The following TEX36 variants were observed in gnomAD, a reference collection of about 807,000 sequenced individuals.
The protein encoded by TEX36 is testis expressed 36.
A neutral mutation model predicts 13.6 loss-of-function variants in TEX36; 12 were observed. The observed-to-expected ratio is 0.88, with a 90% CI of 0.56 to 1.43. TEX36 has a LOEUF of 1.43. Ranked by LOEUF, TEX36 falls within the 40% of genes most tolerant of loss-of-function variation. The probability of loss-of-function intolerance (pLI) is 0.00; values close to 1 mark genes in which losing one functional copy is unlikely to be tolerated. For missense variants in TEX36, 224 were observed against 228.3 expected (o/e 0.98, Z 0.12); for synonymous variants, 93 against 83.0 (o/e 1.12, Z -0.65).
chr10:125,594,890 G>A (rs1846062733), intron 3 of TEX36, among the ~76,000 whole-genome samples: 1 of 152,130 alleles, frequency 6.6e-6, no homozygotes, highest in Admixed American at 6.5e-5. Context: ...AGAATCCACA[G>A]AACCAACATT....
chr10:125,634,408 G>A (rs1017076101), intron 3 of TEX36, among the ~76,000 whole-genome samples: 6 of 152,268 alleles, frequency 3.9e-5, no homozygotes, highest in South Asian at 2.1e-4. Context: ...GGGGTTTTTA[G>A]TCTTGATCCG....
At chr10:125,657,752 C>T (rs1178474086) in intron 3 of TEX36, among the ~76,000 whole-genome samples, 1 of 152,066 alleles carries the variant, frequency 6.6e-6, no homozygotes, top group Admixed American at 6.5e-5. Context: ...AGGAATGGCA[C>T]CTACAGGGCT....
At chr10:125,641,484 G>A (rs535902522) in intron 3 of TEX36, among the ~76,000 whole-genome samples, 16 of 152,308 alleles carry the variant, frequency 1.1e-4, no homozygotes, top group Admixed American at 3.9e-4. Context: ...TGCACAAAAA[G>A]TGACTGAAGA....
intron 3 of TEX36, among the ~76,000 whole-genome samples, chr10:125,607,474 C>A (rs1162479670): frequency 6.6e-6 from 1 of 152,222 alleles, no homozygotes; most frequent in Non-Finnish European, 1.5e-5. Flanking sequence ...CGGTGATTCT[C>A]AGAACATCTC....
chr10:125,621,725 C>T, intron 3 of TEX36: 1 of 449,870 alleles, frequency 2.2e-6, no homozygotes, highest in Non-Finnish European at 4.5e-6. Context: ...TGTAGCCTTC[C>T]ATCTGTGGCC....
intron 3 of TEX36, among the ~76,000 whole-genome samples, chr10:125,608,348 G>A (rs866383339): frequency 5.9e-5 from 9 of 152,074 alleles, no homozygotes; most frequent in Non-Finnish European, 1.0e-4. Flanking sequence ...AAAGGGATGC[G>A]TTTTACTAAA....
chr10:125,613,929 C>G (rs911246144), intron 3 of TEX36, among the ~76,000 whole-genome samples: 1 of 152,208 alleles, frequency 6.6e-6, no homozygotes, highest in Non-Finnish European at 1.5e-5. Context: ...TCTCCACATC[C>G]TCTCCAACAC....
chr10:125,612,459 T>C (rs1298720215), intron 3 of TEX36, among the ~76,000 whole-genome samples: 1 of 152,214 alleles, frequency 6.6e-6, no homozygotes, highest in Non-Finnish European at 1.5e-5. Flanking sequence ...TGTTTCTTTC[T>C]ATCAGCCCCC....
At chr10:125,614,064 C>A (rs1166910013) in intron 3 of TEX36, among the ~76,000 whole-genome samples, 2 of 152,218 alleles carry the variant, frequency 1.3e-5, no homozygotes, top group African/African-American at 4.8e-5. Context: ...TGTCTTTTGG[C>A]TGCATAAATG....
At position 125,580,078 on chromosome 10, in the gene TEX36, G is replaced by T. The variant is rs548825818; in HGVS notation, c.265-3204C>A. On this transcript the variant is annotated intron_variant, in intron 3 of 3. Transcript: ENST00000532135. The stretch of plus-strand genomic sequence containing the variant: ...GAATAAAAGAATAAATGAACATGCA[G>T]CTCTGAAAAGGCATGGTCTGTATTA... Among the ~76,000 whole-genome samples the T allele has an allele frequency of 2.0e-5, 3 of 152,324 alleles. No individual in the cohort carries two copies. In the East Asian group the frequency reaches 5.8e-4, roughly 29 times the overall value.
chr10:125,599,082 C>G (rs984818574), intron 3 of TEX36, among the ~76,000 whole-genome samples: 41 of 152,202 alleles, frequency 2.7e-4, no homozygotes, highest in African/African-American at 9.6e-4. Context: ...TGAAAAGGTA[C>G]TTATCTTGGA....
intron 1 of TEX36, among the ~76,000 whole-genome samples, chr10:125,664,186 G>A (rs202154938): frequency 6.6e-6 from 1 of 151,906 alleles, no homozygotes; most frequent in South Asian, 2.1e-4. Context: ...CATTTTTATG[G>A]CTGAATAGTA....
chr10:125,599,063 A>G (rs1846113974), intron 3 of TEX36, among the ~76,000 whole-genome samples: 1 of 152,198 alleles, frequency 6.6e-6, no homozygotes, highest in Non-Finnish European at 1.5e-5. Context: ...AGAGTCACTC[A>G]CTGAAAGATG....
At chr10:125,663,707 T>C (rs1229896333) in intron 1 of TEX36, among the ~76,000 whole-genome samples, 2 of 152,118 alleles carry the variant, frequency 1.3e-5, no homozygotes, top group African/African-American at 4.8e-5. Context: ...CTTTTTTAAA[T>C]TTTTTAAATT....
At chr10:125,680,811 G>A (rs1008341834) in intron 1 of TEX36, among the ~76,000 whole-genome samples, 2 of 152,226 alleles carry the variant, frequency 1.3e-5, no homozygotes, top group South Asian at 4.1e-4. Flanking sequence ...AAGCTTTGGG[G>A]AACAGTGCCT....
At chr10:125,581,135 T>C (rs1316360298) in intron 3 of TEX36, among the ~76,000 whole-genome samples, 1 of 152,146 alleles carries the variant, frequency 6.6e-6, no homozygotes, top group African/African-American at 2.4e-5. Context: ...TCCCCACATG[T>C]TTCCCCTCTT....
chr10:125,639,469 G>A (rs549270247), intron 3 of TEX36, among the ~76,000 whole-genome samples: 32 of 147,598 alleles, frequency 2.2e-4, no homozygotes, highest in African/African-American at 6.5e-4. Flanking sequence ...CAGAGTTAGG[G>A]CTGTGATAAA....
chr10:125,665,205 T>C (rs562730823), intron 1 of TEX36, among the ~76,000 whole-genome samples: 5 of 152,228 alleles, frequency 3.3e-5, no homozygotes, highest in Non-Finnish European at 7.4e-5. Flanking sequence ...GTCTGTTTAC[T>C]CTTTTGATTG....
rs138320628 is a variant in TEX36 at position 125,637,258 on chromosome 10, A to G, written c.265-15613T>C. On this transcript the variant is annotated intron_variant, in intron 3 of 3. Transcript: ENST00000526819. ...TGAGAAGTCGAGGCTGCAACGAGCC[A>G]TGATATTGCCACTGCACTCCAGCCT... is the stretch of plus-strand genomic sequence containing the variant. Among the ~76,000 whole-genome samples, 600 of 152,000 alleles carry G rather than the reference A, an allele frequency of 3.9e-3. 11 individuals carry two copies. The highest frequency in any genetic ancestry group is 0.014 in the African/African-American group (578 of 41,432).
Sources: allele counts gnomAD v4.1 joint callset (sites outside exome capture counted in the v4.1 genomes callset), GRCh38; gene constraint gnomAD v4.1.1; transcripts MANE v1.5; gene names NCBI Gene and HGNC (gene_info 2026-07-23, HGNC 2026-07-21).